Variants in PTPRM observed in about 807,000 individuals in gnomAD.
The protein encoded by PTPRM is protein tyrosine phosphatase receptor type M.
A neutral mutation model predicts 186.7 loss-of-function variants in PTPRM; 47 were observed. The ratio of observed to expected loss-of-function variants is 0.25; its 90% CI spans 0.20 to 0.32. The LOEUF (loss-of-function observed/expected upper bound fraction) is 0.32, where lower values mean the gene tolerates loss of function less well. Among genes scored for constraint, PTPRM ranks in the 10% least tolerant of loss-of-function variants. The pLI, the probability that PTPRM is intolerant of heterozygous loss-of-function variation, is 1.00. For synonymous variants in PTPRM, 668 were observed against 674.9 expected (o/e 0.99, Z 0.16); for missense variants, 1,494 against 1,865.0 (o/e 0.80, Z 3.66).
In PTPRM at chr18:8,232,706, C is replaced by T. The variant is rs1601373195; in HGVS notation, c.2301-11352C>T. Among the ~76,000 whole-genome samples, 4 of 152,284 alleles carry T rather than the reference C, an allele frequency of 2.6e-5. No homozygotes were observed. In the South Asian group the frequency reaches 8.3e-4, roughly 32 times the overall value. ...TGTTGGCAAGGCTGGTCTCAAACTCCTGACCTCAAATGATCCACCCACTTT... is the reference window on the plus strand; with the variant it reads ...TGTTGGCAAGGCTGGTCTCAAACTCTTGACCTCAAATGATCCACCCACTTT... On this transcript the variant is annotated intron_variant, in intron 14 of 32. Transcript: ENST00000580170.
chr18:7,848,233 G>A (rs780903728), intron 2 of PTPRM, among the ~76,000 whole-genome samples: 5 of 152,052 alleles, frequency 3.3e-5, no homozygotes, highest in Non-Finnish European at 7.4e-5. Context: ...GCTTTTATTT[G>A]TATACTTACT....
At chr18:8,185,165 T>TAA (rs5822995) in intron 14 of PTPRM, among the ~76,000 whole-genome samples, 1 of 150,630 alleles carries the variant, frequency 6.6e-6, no homozygotes, top group African/African-American at 2.4e-5. Flanking sequence ...TTAAAAAAAA[T>TAA]AAAAAAAAAA....
At chr18:7,846,532 G>A (rs960827590) in intron 2 of PTPRM, among the ~76,000 whole-genome samples, 1 of 152,206 alleles carries the variant, frequency 6.6e-6, no homozygotes, top group Non-Finnish European at 1.5e-5. Flanking sequence ...TCTGGGCCTG[G>A]TGGCCCTCTC....
chr18:7,743,181 T>TGGCC (rs1207032034), intron 1 of PTPRM, among the ~76,000 whole-genome samples: 1 of 152,214 alleles, frequency 6.6e-6, no homozygotes, highest in East Asian at 1.9e-4. Flanking sequence ...ACTGCCTGTA[T>TGGCC]GGCCGCTGAT....
chr18:8,116,336 G>A (rs111412034), intron 13 of PTPRM, among the ~76,000 whole-genome samples: 42 of 152,304 alleles, frequency 2.8e-4, no homozygotes, highest in Non-Finnish European at 4.6e-4. Context: ...TCTTTCATGC[G>A]TGTGTTCTCA....
At chr18:7,919,739 C>T (rs571497822) in intron 4 of PTPRM, among the ~76,000 whole-genome samples, 2 of 152,014 alleles carry the variant, frequency 1.3e-5, no homozygotes, top group African/African-American at 2.4e-5. Context: ...TTTGGTGTAG[C>T]GTGTAGTTTA....
At chr18:8,337,083 A>G (rs371966254) in intron 22 of PTPRM, among the ~76,000 whole-genome samples, 1 of 152,228 alleles carries the variant, frequency 6.6e-6, no homozygotes, top group African/African-American at 2.4e-5. Context: ...CCTAGGGAAT[A>G]AGTTTTGGCA....
chr18:7,592,424 A>T (rs2143643502), intron 1 of PTPRM, among the ~76,000 whole-genome samples: 1 of 152,288 alleles, frequency 6.6e-6, no homozygotes, highest in African/African-American at 2.4e-5. Flanking sequence ...AGCCATGGGG[A>T]TGCCCCAAGG....
At chr18:8,054,713 A>T (rs1163228768) in intron 7 of PTPRM, among the ~76,000 whole-genome samples, 2 of 152,050 alleles carry the variant, frequency 1.3e-5, no homozygotes, top group Non-Finnish European at 2.9e-5. Context: ...TTATTTTACA[A>T]ACATAAGTTT....
Position 8,278,395 on chromosome 18 carries a change from G to C in PTPRM, c.2755-17973G>C, listed in dbSNP as rs575437431. 1.6e-3 allele frequency among the ~76,000 whole-genome samples: 241 copies of C among 152,306 alleles called. 1 individual carries two copies. Among genetic ancestry groups the C allele is most frequent in the African/African-American group, 5.7e-3 (238 of 41,568 alleles). On this transcript the variant is annotated intron_variant, in intron 19 of 32. Transcript: ENST00000580170. ...TACATAAATCTTTAGTGTCCTTGTA[G>C]ATCTGATACACTGCCGTACTTTCCT...
intron 1 of PTPRM, among the ~76,000 whole-genome samples, chr18:7,614,540 C>T (rs146134386): frequency 7.1e-4 from 108 of 152,278 alleles, no homozygotes; most frequent in African/African-American, 2.4e-3. Context: ...ATTGTTTTAA[C>T]TCTGAAGGAT....
chr18:8,019,208 G>A (rs753095043), intron 7 of PTPRM, among the ~76,000 whole-genome samples: 1 of 152,162 alleles, frequency 6.6e-6, no homozygotes, highest in Non-Finnish European at 1.5e-5. Flanking sequence ...GGGTGGCTTT[G>A]GGAGTGACTT....
At chr18:8,198,745 T>C (rs1428165595) in intron 14 of PTPRM, among the ~76,000 whole-genome samples, 1 of 152,210 alleles carries the variant, frequency 6.6e-6, no homozygotes, top group Non-Finnish European at 1.5e-5. Context: ...TGCTGTCTTA[T>C]TGACTCTGTT....
chr18:7,884,334 G>T (rs1198148586), intron 2 of PTPRM, among the ~76,000 whole-genome samples: 1 of 152,136 alleles, frequency 6.6e-6, no homozygotes, highest in Admixed American at 6.5e-5. Context: ...GACTGTAGAG[G>T]AAGGGAAAAA....
intron 2 of PTPRM, among the ~76,000 whole-genome samples, chr18:7,842,930 G>GTGTGTGTGTATATATATATA (rs377182615): frequency 3.0e-5 from 3 of 100,934 alleles, no homozygotes; most frequent in African/African-American, 1.5e-4. Flanking sequence ...GTGTGTGTGT[G>GTGTGTGTGTATATATATATA]TATATATATA....
intron 2 of PTPRM, among the ~76,000 whole-genome samples, chr18:7,787,539 C>A (rs2043148306): frequency 6.6e-6 from 1 of 152,216 alleles, no homozygotes; most frequent in Admixed American, 6.5e-5. Context: ...GTTCTCTCCC[C>A]TTCTTCCTGT....
chr18:7,762,384 A>G (rs1481417545), intron 1 of PTPRM, among the ~76,000 whole-genome samples: 1 of 152,078 alleles, frequency 6.6e-6, no homozygotes, highest in Admixed American at 6.5e-5. Context: ...TAGGGGTAGC[A>G]TATGGGCAGG....
chr18:8,343,350 T>A, intron 22 of PTPRM, 73 bp from the exon 23 acceptor site: 1 of 1,344,480 alleles, frequency 7.4e-7, no homozygotes, highest in Non-Finnish European at 1.1e-6. Context: ...AATAGATGTA[T>A]TTGTAAGCCC....
chr18:7,928,169 G>A (rs779828988), intron 5 of PTPRM, among the ~76,000 whole-genome samples: 1 of 152,132 alleles, frequency 6.6e-6, no homozygotes, highest in African/African-American at 2.4e-5. Context: ...TGTTTTCTCT[G>A]CCAGGATGTT....
Sources: allele counts gnomAD v4.1 joint callset (sites outside exome capture counted in the v4.1 genomes callset), GRCh38; gene constraint gnomAD v4.1.1; transcripts MANE v1.5; gene names NCBI Gene and HGNC (gene_info 2026-07-23, HGNC 2026-07-21).